Variants in METTL16 observed in about 807,000 individuals in gnomAD.
METTL16 encodes methyltransferase 16, RNA N6-adenosine.
In METTL16, 19 loss-of-function variants were observed where a neutral mutation model predicts 57.9. The observed-to-expected ratio is 0.33, with a 90% CI of 0.23 to 0.48. The LOEUF (loss-of-function observed/expected upper bound fraction) is 0.48. METTL16 is among the 20% of genes least tolerant of loss of function. METTL16 has a pLI of 0.99. For missense variants in METTL16, 434 were observed against 691.5 expected (o/e 0.63, Z 4.18); for synonymous variants, 246 against 255.6 (o/e 0.96, Z 0.36).
intron 8 of METTL16, among the ~76,000 whole-genome samples, chr17:2,427,081 G>A (rs1597437498): frequency 6.6e-6 from 1 of 152,174 alleles, no homozygotes; most frequent in Non-Finnish European, 1.5e-5. Flanking sequence ...AGGAGGCAGG[G>A]CCTGCAGTGA....
chr17:2,433,928 G>A (rs2066892778), intron 8 of METTL16, among the ~76,000 whole-genome samples: 1 of 152,104 alleles, frequency 6.6e-6, no homozygotes, highest in African/African-American at 2.4e-5. Flanking sequence ...GGCCACTCCT[G>A]CCCCTACCAC....
At chr17:2,446,963 C>T (rs879628853) in intron 6 of METTL16, among the ~76,000 whole-genome samples, 121 of 151,284 alleles carry the variant, frequency 8.0e-4, no homozygotes, top group Non-Finnish European at 1.4e-3. Flanking sequence ...TGCCTTGGCC[C>T]CCCAAAGTGC....
intron 2 of METTL16, among the ~76,000 whole-genome samples, chr17:2,486,364 C>A (rs572666935): frequency 1.7e-4 from 26 of 151,972 alleles, no homozygotes; most frequent in African/African-American, 6.3e-4. Context: ...TTACGCCTCC[C>A]GGGTTCAAGC....
chr17:2,423,532 G>A (rs558881683), intron 8 of METTL16, among the ~76,000 whole-genome samples: 2 of 152,142 alleles, frequency 1.3e-5, no homozygotes, highest in Non-Finnish European at 2.9e-5. Flanking sequence ...GGGAAGAAGC[G>A]TATTAAGCCG....
intron 4 of METTL16, among the ~76,000 whole-genome samples, chr17:2,470,645 CA>C (rs201998967): frequency 6.6e-6 from 1 of 151,708 alleles, no homozygotes; most frequent in Non-Finnish European, 1.5e-5. Context: ...CCCATCTCTA[CA>C]AAAAAAACAC....
intron 6 of METTL16, among the ~76,000 whole-genome samples, chr17:2,463,772 C>G (rs564292668): frequency 6.6e-6 from 1 of 151,870 alleles, no homozygotes; most frequent in African/African-American, 2.4e-5. Flanking sequence ...CAATCTTTAT[C>G]TGCTTGTTCT....
At chr17:2,488,260 AAAG>A (rs2067357979) in intron 2 of METTL16, among the ~76,000 whole-genome samples, 1 of 152,166 alleles carries the variant, frequency 6.6e-6, no homozygotes, top group African/African-American at 2.4e-5. Context: ...CTGCCTTTAA[AAAG>A]AAGGAAATCC....
At chr17:2,421,013 T>G in intron 8 of METTL16, 109 bp from the exon 9 acceptor site, 2 of 1,212,428 alleles carry the variant, frequency 1.6e-6, no homozygotes, top group Non-Finnish European at 2.3e-6. Flanking sequence ...CTACCAATCA[T>G]AGAGCACTGA....
chr17:2,450,006 C>T (rs747042625), intron 6 of METTL16, among the ~76,000 whole-genome samples: 2 of 152,112 alleles, frequency 1.3e-5, no homozygotes, highest in African/African-American at 4.8e-5. Context: ...ATGGTGTCAA[C>T]GGAAACTCTC....
Position 2,417,085 on chromosome 17 carries a change from T to TTTTTTTTTTTTTTTTTTA in METTL16, c.*2884_*2885insTAAAAAAAAAAAAAAAAA, listed in dbSNP as rs869134753. On this transcript the variant is annotated 3_prime_UTR_variant, in exon 10 of 10. Coordinates refer to ENST00000263092, the MANE Select transcript of METTL16 (RefSeq NM_024086.4). The stretch of plus-strand genomic sequence containing the variant: ...TTTTTTTTTTTTTTTTTTTTTTTTT[T>TTTTTTTTTTTTTTTTTTA]GAGACAGTCCCACTTTGTCGCCCAG... 9 of 138,434 alleles carry TTTTTTTTTTTTTTTTTTA rather than the reference T, an allele frequency of 6.5e-5. No homozygotes were observed. Among genetic ancestry groups the TTTTTTTTTTTTTTTTTTA allele is most frequent in the African/African-American group, 2.6e-4 (9 of 35,042 alleles). 8.6% of individuals were successfully genotyped at this position (138,434 alleles called of 1,614,324 possible).
At position 2,419,791 on chromosome 17, in the gene METTL16, G is replaced by A. The variant is rs2066746282; in HGVS notation, c.*179C>T. ...GTAAATGACCACACTACGACTCCCT[G>A]TAACTCAAAAAGCGGGAAGGAGGCG... On this transcript the variant is annotated 3_prime_UTR_variant, in exon 10 of 10. Transcript: ENST00000263092. 1 of 770,046 alleles carries A rather than the reference G, an allele frequency of 1.3e-6. No individual in the cohort carries two copies. 47.7% of individuals were successfully genotyped at this position (770,046 alleles called of 1,614,324 possible).
At chr17:2,485,380 T>C (rs1885752380) in intron 2 of METTL16, among the ~76,000 whole-genome samples, 1 of 152,154 alleles carries the variant, frequency 6.6e-6, no homozygotes, top group Non-Finnish European at 1.5e-5. Flanking sequence ...ACGTAATAAA[T>C]GTACAATAAA....
chr17:2,457,729 T>TA (rs2067122031), intron 6 of METTL16, among the ~76,000 whole-genome samples: 1 of 151,558 alleles, frequency 6.6e-6, no homozygotes, highest in African/African-American at 2.4e-5. Context: ...AAAAAAGAGT[T>TA]AAAAATCACC....
intron 2 of METTL16, among the ~76,000 whole-genome samples, chr17:2,494,857 G>A (rs1251107817): frequency 6.6e-6 from 1 of 152,016 alleles, no homozygotes; most frequent in East Asian, 1.9e-4. Flanking sequence ...AAACAGCCAG[G>A]CATGGTGGCG....
At chr17:2,492,046 C>T (rs541271636) in intron 2 of METTL16, among the ~76,000 whole-genome samples, 18 of 146,828 alleles carry the variant, frequency 1.2e-4, no homozygotes, top group East Asian at 6.1e-4. Context: ...CCTGTCTCTA[C>T]TAAAAATACA....
intron 2 of METTL16, among the ~76,000 whole-genome samples, chr17:2,479,330 C>CAT (rs2067287769): frequency 9.5e-6 from 1 of 105,606 alleles, no homozygotes; most frequent in Admixed American, 1.0e-4. Context: ...CCACACTAAG[C>CAT]TTTTTTTTTT....
intron 1 of METTL16, among the ~76,000 whole-genome samples, chr17:2,509,524 G>C (rs932152409): frequency 1.3e-5 from 2 of 152,098 alleles, no homozygotes; most frequent in African/African-American, 4.8e-5. Context: ...TCCAGCCTGG[G>C]CCACACAGTG....
chr17:2,493,875 C>T (rs1036759974), intron 2 of METTL16, among the ~76,000 whole-genome samples: 4 of 152,038 alleles, frequency 2.6e-5, no homozygotes, highest in Admixed American at 6.6e-5. Flanking sequence ...CAGGTTCCTG[C>T]GAACCATGCG....
At position 2,469,798 on chromosome 17, in the gene METTL16, G is replaced by C. The variant is rs371762198; in HGVS notation, c.470-1922C>G. Among the ~76,000 whole-genome samples, 17 of 152,296 alleles carry C rather than the reference G, an allele frequency of 1.1e-4. No homozygotes were observed. The East Asian group carries it at 1.3e-3, about 12-fold the overall frequency. On this transcript the variant is annotated intron_variant, in intron 4 of 9. Coordinates refer to ENST00000263092, the MANE Select transcript of METTL16 (RefSeq NM_024086.4). ...GGCCTCCCAAAGAGCTGGGATTACA[G>C]GTGTGAGCCACCGCACCCGGCCTAT...
Sources: allele counts gnomAD v4.1 joint callset (sites outside exome capture counted in the v4.1 genomes callset), GRCh38; gene constraint gnomAD v4.1.1; transcripts MANE v1.5; gene names NCBI Gene and HGNC (gene_info 2026-07-23, HGNC 2026-07-21).